Variants in SV2C observed in about 807,000 individuals in gnomAD.
SV2C encodes solute carrier family 22 member B3.
Under a neutral mutation model 79.7 loss-of-function variants are expected in SV2C, and 49 were observed. The ratio of observed to expected loss-of-function variants is 0.61; its 90% CI spans 0.49 to 0.78. SV2C has a LOEUF of 0.78. SV2C is among the 30% of genes least tolerant of loss of function. The pLI, the probability that SV2C is intolerant of heterozygous loss-of-function variation, is 0.00. For synonymous variants in SV2C, 334 were observed against 333.2 expected (o/e 1.00, Z -0.03); for missense variants, 833 against 912.9 (o/e 0.91, Z 1.13).
At chr5:75,924,119 G>T in the SV2C span, among the ~76,000 whole-genome samples, 1 of 152,122 alleles carries the variant, frequency 6.6e-6, no homozygotes, top group African/African-American at 2.4e-5. Flanking sequence ...AACTTGGATG[G>T]GGCTAGAGGC....
chr5:76,010,759 T>C, the SV2C span, among the ~76,000 whole-genome samples: 3 of 152,180 alleles, frequency 2.0e-5, no homozygotes, highest in Admixed American at 2.0e-4. Context: ...CCAGGCAGTA[T>C]GTATTAAGTC....
At chr5:76,198,527 TC>T (rs1431401452) in intron 3 of SV2C, among the ~76,000 whole-genome samples, 4 of 152,114 alleles carry the variant, frequency 2.6e-5, no homozygotes, top group African/African-American at 9.7e-5. Context: ...AAACCCCTTT[TC>T]TTTATAAACT....
the SV2C span, among the ~76,000 whole-genome samples, chr5:75,880,182 C>T: frequency 6.7e-6 from 1 of 149,338 alleles, no homozygotes. Context: ...AAAATGCCTT[C>T]AATGCCTTTT....
At chr5:75,913,325 T>G in the SV2C span, among the ~76,000 whole-genome samples, 2 of 152,166 alleles carry the variant, frequency 1.3e-5, no homozygotes, top group Non-Finnish European at 2.9e-5. Context: ...GGAAGATAAC[T>G]GTATCATGCT....
chr5:75,904,988 T>C, the SV2C span, among the ~76,000 whole-genome samples: 1 of 152,308 alleles, frequency 6.6e-6, no homozygotes, highest in African/African-American at 2.4e-5. Context: ...TTGGAGATAA[T>C]CCAACACTTC....
the SV2C span, among the ~76,000 whole-genome samples, chr5:76,039,976 A>G: frequency 6.6e-6 from 1 of 152,286 alleles, no homozygotes. Context: ...TTCAAGCTAC[A>G]TAAGAGGTTA....
At chr5:75,911,416 A>C in the SV2C span, 5 of 1,058,334 alleles carry the variant, frequency 4.7e-6, no homozygotes, top group Non-Finnish European at 7.1e-6. Context: ...AGCACCCCCT[A>C]GTAGGCCTCC....
rs190291502 is a variant in SV2C, at chr5:76,298,931, G to T, written c.1636+4G>T. 6.2e-7 allele frequency: 1 copy of T among 1,613,150 alleles called. No homozygotes were observed. ...GACACTGTTTTTGACAACACAGGTAGGTGTGCTACTTAGTACTGCCTCTAC... is the reference window on the plus strand; with the variant it reads ...GACACTGTTTTTGACAACACAGGTATGTGTGCTACTTAGTACTGCCTCTAC... On this transcript the variant is annotated splice_donor_region_variant and intron_variant, in intron 10 of 12. Transcript: ENST00000502798.
the SV2C span, among the ~76,000 whole-genome samples, chr5:75,989,177 G>C: frequency 6.6e-6 from 1 of 151,654 alleles, no homozygotes; most frequent in Admixed American, 6.6e-5. Context: ...GGGTACACGT[G>C]CAGGAGAATG....
intron 12 of SV2C, among the ~76,000 whole-genome samples, chr5:76,302,149 G>A (rs1446031716): frequency 6.6e-6 from 1 of 152,174 alleles, no homozygotes; most frequent in African/African-American, 2.4e-5. Flanking sequence ...GTGAGGATTA[G>A]AGTTTAATAG....
intron 2 of SV2C, among the ~76,000 whole-genome samples, chr5:76,132,618 T>A (rs973674173): frequency 6.6e-6 from 1 of 152,230 alleles, no homozygotes; most frequent in Non-Finnish European, 1.5e-5. Flanking sequence ...GAGTATGTTT[T>A]AACTTATATT....
rs1361302076 is a variant in SV2C, at chr5:76,325,696, A to G, written c.*149A>G. ...GCTGTGACTTAAAATTTAGAAGCAT[A>G]TCATCTTGCCCCTTTGTGATTTTGC... On this transcript the variant is annotated 3_prime_UTR_variant, in exon 13 of 13. Coordinates refer to ENST00000502798, the MANE Select transcript of SV2C (RefSeq NM_014979.4). 6 of 1,117,976 alleles carry G rather than the reference A, an allele frequency of 5.4e-6. No homozygotes were observed. The highest frequency in any genetic ancestry group is 7.4e-6 in the Non-Finnish European group (6 of 808,408). The allele number at this position is 1,117,976 out of a possible 1,614,324, so 69.3% of individuals were successfully genotyped here.
chr5:76,163,148 C>T (rs1742944393), intron 2 of SV2C, among the ~76,000 whole-genome samples: 1 of 152,204 alleles, frequency 6.6e-6, no homozygotes, highest in Non-Finnish European at 1.5e-5. Flanking sequence ...CAGTTCCAGC[C>T]TCACTGACAG....
the SV2C span, among the ~76,000 whole-genome samples, chr5:75,991,359 T>C: frequency 6.6e-6 from 1 of 151,584 alleles, no homozygotes; most frequent in Non-Finnish European, 1.5e-5. Context: ...CCTCTATCAG[T>C]CATATACACA....
At chr5:76,033,602 T>C in the SV2C span, among the ~76,000 whole-genome samples, 4 of 152,230 alleles carry the variant, frequency 2.6e-5, no homozygotes, top group Non-Finnish European at 5.9e-5. Flanking sequence ...GTTCCATTGA[T>C]CTATATCTCT....
intron 4 of SV2C, among the ~76,000 whole-genome samples, chr5:76,224,135 G>A (rs951578780): frequency 1.3e-5 from 2 of 152,084 alleles, no homozygotes; most frequent in African/African-American, 4.8e-5. Flanking sequence ...CAAACAAAGG[G>A]CCCTCTAGCT....
At chr5:76,059,507 C>A in the SV2C span, among the ~76,000 whole-genome samples, 4 of 149,806 alleles carry the variant, frequency 2.7e-5, no homozygotes, top group Non-Finnish European at 4.4e-5. Context: ...TTCTTTTGCT[C>A]ATCCATAAGA....
At chr5:76,094,849 T>G (rs894215150) in intron 1 of SV2C, among the ~76,000 whole-genome samples, 3 of 152,160 alleles carry the variant, frequency 2.0e-5, no homozygotes, top group African/African-American at 7.2e-5. Context: ...CAGATATGTA[T>G]TTAATCAGAT....
chr5:76,085,371 A>G (rs1293815346), intron 1 of SV2C, among the ~76,000 whole-genome samples: 1 of 152,172 alleles, frequency 6.6e-6, no homozygotes, highest in Admixed American at 6.5e-5. Context: ...AACACTACTG[A>G]TAACGCATTC....
Sources: allele counts gnomAD v4.1 joint callset (sites outside exome capture counted in the v4.1 genomes callset), GRCh38; gene constraint gnomAD v4.1.1; transcripts MANE v1.5; gene names NCBI Gene and HGNC (gene_info 2026-07-23, HGNC 2026-07-21).